The following ST3GAL3 variants were observed in gnomAD, a reference collection of about 807,000 sequenced individuals.
ST3GAL3 encodes the protein ST3 beta-galactoside alpha-2,3-sialyltransferase 3, also known as CMP-N-acetylneuraminate-beta-1,4-galactoside alpha-2,3-sialyltransferase.
Under a neutral mutation model 50.1 loss-of-function variants are expected in ST3GAL3, and 21 were observed. The observed-to-expected ratio is 0.42, with a 90% CI of 0.30 to 0.60. The LOEUF (loss-of-function observed/expected upper bound fraction) is 0.60. ST3GAL3 is among the 20% of genes least tolerant of loss of function. ST3GAL3 has a pLI of 0.19. For missense variants in ST3GAL3, 353 were observed against 489.4 expected (o/e 0.72, Z 2.63); for synonymous variants, 183 against 190.0 (o/e 0.96, Z 0.30).
At chr1:43,839,704 T>G (rs1342640907) in intron 5 of ST3GAL3, 1 of 152,226 alleles carries the variant, frequency 6.6e-6, no homozygotes, top group Non-Finnish European at 1.5e-5. Context: ...AAAAGAGGTT[T>G]AATTGGCTTA....
At chr1:43,858,044 C>T (rs892217547) in intron 5 of ST3GAL3, 1 of 975,548 alleles carries the variant, frequency 1.0e-6, no homozygotes, top group Non-Finnish European at 1.4e-6. Flanking sequence ...TGTCGGACTA[C>T]AGTGGAAAGA....
At chr1:43,812,409 C>T (rs2060667496) in intron 3 of ST3GAL3, among the ~76,000 whole-genome samples, 1 of 152,198 alleles carries the variant, frequency 6.6e-6, no homozygotes, top group Non-Finnish European at 1.5e-5. Context: ...CATTTATCAT[C>T]AGTGGGTTCA....
intron 11 of ST3GAL3, chr1:43,922,029 TC>T (rs2083114693): frequency 3.1e-6 from 1 of 317,570 alleles, no homozygotes. Flanking sequence ...CACCATTCTC[TC>T]ACATTCTCTT....
At position 43,803,373 on chromosome 1, in the gene ST3GAL3, C is replaced by CA. The variant is rs139652535; in HGVS notation, c.166+11238dup. Among the ~76,000 whole-genome samples the CA allele has an allele frequency of 7.6e-3, 1,025 of 134,520 alleles. 4 individuals carry two copies. Among genetic ancestry groups the CA allele is most frequent in the Middle Eastern group, 0.016 (4 of 256 alleles). The allele number at this position is 134,520 out of a possible 152,430, so 88.3% of individuals were successfully genotyped here. A position where few individuals can be genotyped will look rare whatever the true frequency, so the allele number is the denominator to read the frequency against. On this transcript the variant is annotated intron_variant, in intron 3 of 11. Coordinates refer to ENST00000347631, the MANE Select transcript of ST3GAL3 (RefSeq NM_006279.5). The stretch of plus-strand genomic sequence containing the variant: ...TGGGCAGCATAGCAAGATCCCACCT[C>CA]AAAAAAAAAAAAAAGGAATGTGCAT...
chr1:43,801,632 A>ATTT, intron 3 of ST3GAL3: 1 of 215,522 alleles, frequency 4.6e-6, no homozygotes, highest in Admixed American at 5.0e-5. Flanking sequence ...AACATTTGTG[A>ATTT]TTTTTTTTTT....
chr1:43,851,097 GCAGCGGGGCATAGT>G (rs2067211737), intron 5 of ST3GAL3: 1 of 944,788 alleles, frequency 1.1e-6, no homozygotes, highest in Admixed American at 1.7e-5. Context: ...CAGTTTTTCT[GCAGCGGGGCATAGT>G]CCAGGTTTTA....
chr1:43,736,546 C>A, intron 2 of ST3GAL3, 166 bp downstream of exon 2: 1 of 1,220,830 alleles, frequency 8.2e-7, no homozygotes, highest in Non-Finnish European at 1.2e-6. Flanking sequence ...CTGGTATAGG[C>A]TGAGAACTTT....
At chr1:43,928,831 C>T (rs2084511016) in intron 11 of ST3GAL3, among the ~76,000 whole-genome samples, 1 of 152,128 alleles carries the variant, frequency 6.6e-6, no homozygotes, top group South Asian at 2.1e-4. Context: ...ATCGCTTGAA[C>T]CTGGGAGGCA....
chr1:43,709,203 A>G (rs1663258134), intron 1 of ST3GAL3, among the ~76,000 whole-genome samples: 1 of 152,176 alleles, frequency 6.6e-6, no homozygotes, highest in African/African-American at 2.4e-5. Flanking sequence ...GGGTGGTTCC[A>G]GGGGGTTTCT....
intron 5 of ST3GAL3, among the ~76,000 whole-genome samples, chr1:43,891,167 A>C (rs147786110): frequency 6.6e-6 from 1 of 152,370 alleles, no homozygotes; most frequent in East Asian, 1.9e-4. Context: ...AAATCTTTTC[A>C]TACAAGAAAG....
At chr1:43,803,338 G>T in intron 3 of ST3GAL3, among the ~76,000 whole-genome samples, 1 of 149,674 alleles carries the variant, frequency 6.7e-6, no homozygotes, top group Non-Finnish European at 1.5e-5. Flanking sequence ...CCAGCAGTTT[G>T]AATCCAGCCT....
intron 5 of ST3GAL3, chr1:43,842,324 A>C (rs2065524189): frequency 6.6e-6 from 1 of 152,084 alleles, no homozygotes; most frequent in South Asian, 2.1e-4. Flanking sequence ...TACTCCTGGT[A>C]CCAATTTTAT....
chr1:43,860,146 A>G (rs752366792), intron 5 of ST3GAL3, among the ~76,000 whole-genome samples: 1 of 152,208 alleles, frequency 6.6e-6, no homozygotes, highest in Non-Finnish European at 1.5e-5. Context: ...ATCAGGCCCC[A>G]TGAGCCCATG....
intron 2 of ST3GAL3, among the ~76,000 whole-genome samples, chr1:43,743,929 A>G (rs1409921834): frequency 6.7e-6 from 1 of 149,902 alleles, no homozygotes; most frequent in African/African-American, 2.4e-5. Flanking sequence ...CAAAATGGCC[A>G]ATGGTATGTT....
At chr1:43,758,956 A>G (rs1689136804) in intron 2 of ST3GAL3, among the ~76,000 whole-genome samples, 1 of 150,792 alleles carries the variant, frequency 6.6e-6, no homozygotes, top group Non-Finnish European at 1.5e-5. Context: ...AGGTAAGAGA[A>G]TCAGTTGAGC....
At position 43,768,260 on chromosome 1, in the gene ST3GAL3, G is replaced by T. The variant is rs79426632; in HGVS notation, c.119-23842G>T. 7.6e-3 allele frequency among the ~76,000 whole-genome samples: 1,152 copies of T among 152,112 alleles called. 21 individuals are homozygous for T. Among genetic ancestry groups the T allele is most frequent in the African/African-American group, 0.026 (1,094 of 41,506 alleles). ...GACCAGCCTGGACAACACAGCAAGAGCCTGTCTCTACAAAAAAATTTTTTT... is the reference window on the plus strand; with the variant it reads ...GACCAGCCTGGACAACACAGCAAGATCCTGTCTCTACAAAAAAATTTTTTT... On this transcript the variant is annotated intron_variant, in intron 2 of 11. Transcript: ENST00000347631.
intron 5 of ST3GAL3, among the ~76,000 whole-genome samples, chr1:43,889,828 AAAG>A (rs1276009546): frequency 1.3e-5 from 2 of 152,254 alleles, no homozygotes; most frequent in African/African-American, 4.8e-5. Flanking sequence ...TAAAAAAGAA[AAAG>A]AAGATAAATA....
chr1:43,818,588 G>A (rs993521413), intron 4 of ST3GAL3, among the ~76,000 whole-genome samples: 4 of 152,238 alleles, frequency 2.6e-5, no homozygotes, highest in East Asian at 1.9e-4. Context: ...TGTTCTCATG[G>A]TTTTATGAGA....
chr1:43,927,849 G>T (rs2084279105), intron 11 of ST3GAL3, among the ~76,000 whole-genome samples: 1 of 152,168 alleles, frequency 6.6e-6, no homozygotes, highest in Admixed American at 6.5e-5. Flanking sequence ...GGACAACGGG[G>T]TGTAAGGAAG....
Sources: allele counts gnomAD v4.1 joint callset (sites outside exome capture counted in the v4.1 genomes callset), GRCh38; gene constraint gnomAD v4.1.1; transcripts MANE v1.5; gene names NCBI Gene and HGNC (gene_info 2026-07-23, HGNC 2026-07-21).